Variants in RBMS3 observed in about 807,000 individuals in gnomAD.
The protein encoded by RBMS3 is RNA-binding motif, single-stranded-interacting protein 3.
RBMS3 carries 27 observed loss-of-function variants against 66.8 expected under a neutral mutation model. The ratio of observed to expected loss-of-function variants is 0.40; its 90% CI spans 0.30 to 0.56. The LOEUF is 0.56. Among genes scored for constraint, RBMS3 ranks in the 20% least tolerant of loss-of-function variants. RBMS3 has a pLI of 0.40. For synonymous variants in RBMS3, 188 were observed against 183.0 expected (o/e 1.03, Z -0.22); for missense variants, 513 against 549.5 (o/e 0.93, Z 0.66).
chr3:29,744,059 C>A (rs960394727), intron 5 of RBMS3, among the ~76,000 whole-genome samples: 1 of 151,928 alleles, frequency 6.6e-6, no homozygotes, highest in African/African-American at 2.4e-5. Context: ...ACTGACACTG[C>A]TGATATGGGA....
intron 3 of RBMS3, among the ~76,000 whole-genome samples, chr3:29,564,507 A>G (rs2046674194): frequency 6.6e-6 from 1 of 151,502 alleles, no homozygotes; most frequent in Non-Finnish European, 1.5e-5. Flanking sequence ...AAAAAAATTT[A>G]GTTCTCTGAG....
At position 29,442,957 on chromosome 3, in the gene RBMS3, G is replaced by T. The variant is rs112096185; in HGVS notation, c.248+8042G>T. ...CCTCTTTTCACTCTATAAACTGTCT[G>T]CTCTTTATTACACAAACAACATCAG... On this transcript the variant is annotated intron_variant, in intron 2 of 14. Transcript: ENST00000383767. Among the ~76,000 whole-genome samples, 126 of 152,074 alleles carry T rather than the reference G, an allele frequency of 8.3e-4. 1 individual carries two copies. The highest frequency in any genetic ancestry group is 2.9e-3 in the African/African-American group (120 of 41,506).
chr3:29,283,265 TC>T (rs1474222276), intron 1 of RBMS3, among the ~76,000 whole-genome samples: 4 of 152,222 alleles, frequency 2.6e-5, no homozygotes, highest in Non-Finnish European at 5.9e-5. Flanking sequence ...TCCAAGTGTT[TC>T]AAAAATTACA....
At chr3:29,550,924 T>C (rs1460974220) in intron 3 of RBMS3, among the ~76,000 whole-genome samples, 1 of 152,192 alleles carries the variant, frequency 6.6e-6, no homozygotes, top group African/African-American at 2.4e-5. Context: ...ATAACTGCAA[T>C]GAAGACTGGG....
intron 3 of RBMS3, among the ~76,000 whole-genome samples, chr3:29,582,192 A>AGAT (rs1446120313): frequency 6.9e-6 from 1 of 144,530 alleles, no homozygotes; most frequent in Non-Finnish European, 1.5e-5. Context: ...ATAGATAGAT[A>AGAT]GATACACACA....
intron 7 of RBMS3, among the ~76,000 whole-genome samples, chr3:29,878,021 T>G (rs1361623827): frequency 6.6e-6 from 1 of 152,006 alleles, no homozygotes; most frequent in Non-Finnish European, 1.5e-5. Context: ...GACAGGGGTG[T>G]TGGGGAGGGG....
chr3:29,283,715 G>A (rs1304673175), intron 1 of RBMS3, among the ~76,000 whole-genome samples: 1 of 152,168 alleles, frequency 6.6e-6, no homozygotes, highest in Admixed American at 6.5e-5. Context: ...GATCAGGATA[G>A]TAGGGAATAT....
At chr3:29,738,704 C>T (rs1030850074) in intron 4 of RBMS3, among the ~76,000 whole-genome samples, 7 of 152,080 alleles carry the variant, frequency 4.6e-5, no homozygotes, top group African/African-American at 7.3e-5. Flanking sequence ...ATTTCTTGGC[C>T]CACTCTCAGA....
intron 6 of RBMS3, among the ~76,000 whole-genome samples, chr3:29,826,316 T>A: frequency 6.6e-6 from 1 of 152,304 alleles, no homozygotes; most frequent in African/African-American, 2.4e-5. Context: ...CACACTGTAT[T>A]TTTTATCAGA....
chr3:29,866,532 A>T (rs1322342292), intron 6 of RBMS3, among the ~76,000 whole-genome samples: 1 of 152,218 alleles, frequency 6.6e-6, no homozygotes, highest in Non-Finnish European at 1.5e-5. Flanking sequence ...TGACCATCCC[A>T]TTTTAATACC....
At chr3:29,966,573 T>C (rs1696862260) in intron 12 of RBMS3, among the ~76,000 whole-genome samples, 1 of 152,216 alleles carries the variant, frequency 6.6e-6, no homozygotes, top group African/African-American at 2.4e-5. Flanking sequence ...AATTCTTTGA[T>C]CAGTTCTAGG....
chr3:29,321,947 G>A (rs368245986), intron 1 of RBMS3, among the ~76,000 whole-genome samples: 2 of 140,214 alleles, frequency 1.4e-5, no homozygotes, highest in Non-Finnish European at 3.3e-5. Flanking sequence ...TTAATTCAAT[G>A]ATTTTTCAAA....
intron 10 of RBMS3, among the ~76,000 whole-genome samples, chr3:29,921,782 A>T (rs2060786746): frequency 6.6e-6 from 1 of 152,162 alleles, no homozygotes; most frequent in South Asian, 2.1e-4. Context: ...ATGTTTTTAG[A>T]TGCAATCCGG....
intron 3 of RBMS3, among the ~76,000 whole-genome samples, chr3:29,536,366 T>G (rs2045558399): frequency 1.3e-5 from 2 of 152,204 alleles, no homozygotes; most frequent in African/African-American, 4.8e-5. Context: ...TGTATTAATT[T>G]TTTTTCAGAC....
chr3:29,655,277 C>G (rs955808641), intron 4 of RBMS3, among the ~76,000 whole-genome samples: 4 of 152,086 alleles, frequency 2.6e-5, no homozygotes, highest in African/African-American at 9.7e-5. Context: ...ATTTAGCTCC[C>G]CGTCTGCAGG....
intron 1 of RBMS3, among the ~76,000 whole-genome samples, chr3:29,386,321 C>T (rs1232949051): frequency 6.6e-6 from 1 of 152,082 alleles, no homozygotes; most frequent in African/African-American, 2.4e-5. Context: ...CTATTTTGTA[C>T]ATTTTCTCTC....
At chr3:29,922,067 A>G (rs56850900) in intron 10 of RBMS3, among the ~76,000 whole-genome samples, 5,514 of 152,324 alleles carry the variant, frequency 0.036, 340 homozygotes, top group African/African-American at 0.13. Context: ...TGGCATCTCC[A>G]ATAATGTTTA....
At chr3:29,532,709 A>G (rs1031382996) in intron 3 of RBMS3, among the ~76,000 whole-genome samples, 5 of 152,170 alleles carry the variant, frequency 3.3e-5, no homozygotes, top group South Asian at 4.1e-4. Context: ...AGTGCGGACA[A>G]CGTAGCCAGA....
intron 1 of RBMS3, among the ~76,000 whole-genome samples, chr3:29,365,432 C>T (rs962382060): frequency 2.0e-5 from 3 of 151,928 alleles, no homozygotes; most frequent in African/African-American, 7.3e-5. Flanking sequence ...TATTTTCTCT[C>T]TTCGTATCAA....
Sources: allele counts gnomAD v4.1 joint callset (sites outside exome capture counted in the v4.1 genomes callset), GRCh38; gene constraint gnomAD v4.1.1; transcripts MANE v1.5; gene names NCBI Gene and HGNC (gene_info 2026-07-23, HGNC 2026-07-21).